Variants in GSDMC observed in about 807,000 individuals in gnomAD.
GSDMC encodes gasdermin C.
Under a neutral mutation model 58.0 loss-of-function variants are expected in GSDMC, and 59 were observed. The ratio of observed to expected loss-of-function variants is 1.02; its 90% CI spans 0.82 to 1.26. GSDMC has a LOEUF of 1.26. GSDMC is among the 50% of genes most tolerant of loss of function. GSDMC has a pLI of 0.00. For synonymous variants in GSDMC, 241 were observed against 220.2 expected (o/e 1.09, Z -0.83); for missense variants, 659 against 598.5 (o/e 1.10, Z -1.06).
the GSDMC span, among the ~76,000 whole-genome samples, chr8:129,707,655 C>G: frequency 1.3e-5 from 2 of 152,200 alleles, no homozygotes; most frequent in Admixed American, 6.5e-5. Flanking sequence ...ACAATGGAAA[C>G]AGCACAAATG....
At chr8:129,718,868 T>C in the GSDMC span, among the ~76,000 whole-genome samples, 1 of 152,144 alleles carries the variant, frequency 6.6e-6, no homozygotes, top group African/African-American at 2.4e-5. Context: ...AAAGGATGAG[T>C]TCATGTCCTT....
chr8:129,744,365 T>C (rs2032922055), downstream of GSDMC, among the ~76,000 whole-genome samples: 1 of 152,216 alleles, frequency 6.6e-6, no homozygotes, highest in Non-Finnish European at 1.5e-5. Context: ...TACTCAATAT[T>C]TTAAGAAATA....
At chr8:129,768,751 T>C (rs575509626) in intron 3 of GSDMC, among the ~76,000 whole-genome samples, 8 of 151,872 alleles carry the variant, frequency 5.3e-5, no homozygotes, top group Non-Finnish European at 8.8e-5. Flanking sequence ...TCCAGAAACA[T>C]AAGAGAGTGA....
chr8:129,747,081 C>T (rs2032977522), downstream of GSDMC, among the ~76,000 whole-genome samples: 2 of 148,560 alleles, frequency 1.3e-5, no homozygotes, highest in South Asian at 4.3e-4. Flanking sequence ...GAAACCCTGT[C>T]TGTACAAAAA....
chr8:129,750,887 T>C (rs966183526), intron 10 of GSDMC, among the ~76,000 whole-genome samples: 2 of 152,182 alleles, frequency 1.3e-5, no homozygotes, highest in Non-Finnish European at 2.9e-5. Context: ...AGGAATACTG[T>C]AAAATCTAGC....
At chr8:129,745,402 T>A (rs1409932062), downstream of GSDMC, among the ~76,000 whole-genome samples, 1 of 152,174 alleles carries the variant, frequency 6.6e-6, no homozygotes, top group African/African-American at 2.4e-5. Flanking sequence ...TCTTACTCTC[T>A]CATAGTGATT....
chr8:129,764,911 T>C (rs1415138989), intron 4 of GSDMC, among the ~76,000 whole-genome samples: 1 of 152,192 alleles, frequency 6.6e-6, no homozygotes, highest in Non-Finnish European at 1.5e-5. Context: ...TATTCCTGCT[T>C]TCCAGGGTCT....
chr8:129,749,282 C>T (rs980534199), intron 13 of GSDMC, among the ~76,000 whole-genome samples, 170 bp downstream of exon 13: 22 of 152,096 alleles, frequency 1.4e-4, no homozygotes, highest in Non-Finnish European at 2.5e-4. Flanking sequence ...ACCCACTGGA[C>T]CAGGTCTCCA....
At chr8:129,723,358 A>G in the GSDMC span, among the ~76,000 whole-genome samples, 1 of 151,222 alleles carries the variant, frequency 6.6e-6, no homozygotes, top group Admixed American at 6.6e-5. Context: ...CTCATGCCTC[A>G]GCCTCCTGAG....
At position 129,786,327 on chromosome 8, in the gene GSDMC, A is replaced by G. The variant is rs1358899354; in HGVS notation, c.-321T>C. The stretch of plus-strand genomic sequence containing the variant: ...AGCCTGGGCAACTCCGTCTCAAAAA[A>G]AAAAAAAAGAGAGAAAAATAGCACA... On this transcript the variant is annotated 5_prime_UTR_variant, in exon 1 of 14. Coordinates refer to ENST00000276708, the MANE Select transcript of GSDMC (RefSeq NM_031415.3). The G allele has an allele frequency of 6.6e-6, 1 of 152,146 alleles. No homozygotes were observed. Among genetic ancestry groups the G allele is most frequent in the East Asian group, 1.9e-4 (1 of 5,192 alleles). The allele number at this position is 152,146 out of a possible 1,614,324, so 9.4% of individuals were successfully genotyped here.
At chr8:129,756,566 T>C (rs921946270) in intron 6 of GSDMC, among the ~76,000 whole-genome samples, 1 of 152,174 alleles carries the variant, frequency 6.6e-6, no homozygotes, top group African/African-American at 2.4e-5. Flanking sequence ...TAATAGATAC[T>C]TAGAGAACAT....
intron 3 of GSDMC, among the ~76,000 whole-genome samples, chr8:129,769,961 C>A (rs2033995226): frequency 6.6e-6 from 1 of 152,034 alleles, no homozygotes; most frequent in Admixed American, 6.6e-5. Flanking sequence ...GTGTAAAATT[C>A]ATCAGTAAAG....
chr8:129,759,189 C>G (rs1027603659), intron 6 of GSDMC, among the ~76,000 whole-genome samples: 6 of 152,134 alleles, frequency 3.9e-5, no homozygotes, highest in Non-Finnish European at 7.4e-5. Context: ...ACCCCTATCT[C>G]TTACCATATA....
intron 12 of GSDMC, 97 bp downstream of exon 12, chr8:129,749,893 T>A: frequency 1.0e-6 from 1 of 982,138 alleles, no homozygotes; most frequent in Middle Eastern, 2.5e-4. Context: ...ATCATGGCAT[T>A]CAAAGGGCTT....
intron 7 of GSDMC, 66 bp downstream of exon 7, chr8:129,752,632 T>C: frequency 6.3e-7 from 1 of 1,581,640 alleles, no homozygotes; most frequent in East Asian, 2.3e-5. Flanking sequence ...CACCAAATTT[T>C]AACAACTATC....
chr8:129,772,841 G>A (rs922535756), intron 3 of GSDMC, among the ~76,000 whole-genome samples: 6 of 152,252 alleles, frequency 3.9e-5, no homozygotes, highest in African/African-American at 1.4e-4. Context: ...CAATATATCT[G>A]ATAAACATAG....
intron 3 of GSDMC, among the ~76,000 whole-genome samples, chr8:129,769,172 A>C (rs2033969303): frequency 6.6e-6 from 1 of 152,180 alleles, no homozygotes; most frequent in African/African-American, 2.4e-5. Context: ...AATTTGTGAC[A>C]CTAAAAATTT....
At chr8:129,730,126 A>T in the GSDMC span, 1 of 986,674 alleles carries the variant, frequency 1.0e-6, no homozygotes, top group East Asian at 2.6e-5. Context: ...CTGAATGCCA[A>T]CAAGAGAGAT....
chr8:129,768,859 C>A (rs2033954951), intron 3 of GSDMC, among the ~76,000 whole-genome samples: 1 of 152,140 alleles, frequency 6.6e-6, no homozygotes, highest in African/African-American at 2.4e-5. Flanking sequence ...GTTGGAGGAT[C>A]ACTTGTGTCC....
Sources: allele counts gnomAD v4.1 joint callset (sites outside exome capture counted in the v4.1 genomes callset), GRCh38; gene constraint gnomAD v4.1.1; transcripts MANE v1.5; gene names NCBI Gene and HGNC (gene_info 2026-07-23, HGNC 2026-07-21).